Variants in SGK3 observed in about 807,000 individuals in gnomAD.
SGK3 encodes serum/glucocorticoid regulated kinase family member 3, also known as serine/threonine-protein kinase Sgk3.
SGK3 carries 47 observed loss-of-function variants against 68.5 expected under a neutral mutation model. The observed-to-expected ratio is 0.69, with a 90% CI of 0.54 to 0.87. SGK3 has a LOEUF of 0.87. SGK3 is among the 40% of genes least tolerant of loss of function. SGK3 has a pLI of 0.00. For missense variants in SGK3, 479 were observed against 575.5 expected (o/e 0.83, Z 1.72); for synonymous variants, 181 against 189.1 (o/e 0.96, Z 0.35).
At chr8:66,749,586 T>G (rs1805752393) in intron 1 of SGK3, among the ~76,000 whole-genome samples, 4 of 152,092 alleles carry the variant, frequency 2.6e-5, no homozygotes, top group African/African-American at 9.7e-5. Flanking sequence ...ATATGAAACG[T>G]GATTTGCTTT....
intron 14 of SGK3, among the ~76,000 whole-genome samples, chr8:66,843,927 G>C (rs1809899738): frequency 7.3e-6 from 1 of 136,570 alleles, no homozygotes; most frequent in Non-Finnish European, 1.5e-5. Context: ...CCAGGAGGCA[G>C]AGTTTGCAGT....
chr8:66,759,997 A>G (rs186796252), intron 1 of SGK3, among the ~76,000 whole-genome samples: 1 of 151,982 alleles, frequency 6.6e-6, no homozygotes, highest in Non-Finnish European at 1.5e-5. Context: ...ATCTACTACA[A>G]CCGCTTACAT....
At chr8:66,836,405 T>C (rs1421956156) in intron 10 of SGK3, among the ~76,000 whole-genome samples, 4 of 152,194 alleles carry the variant, frequency 2.6e-5, no homozygotes, top group African/African-American at 9.6e-5. Flanking sequence ...AACAGTTGCA[T>C]ACAAATATTA....
chr8:66,843,355 A>T, intron 13 of SGK3, 97 bp from the exon 14 acceptor site: 1 of 1,236,636 alleles, frequency 8.1e-7, no homozygotes, highest in Non-Finnish European at 1.1e-6. Context: ...TTTCAGTATG[A>T]TAGCAACAAC....
rs190053893 is a variant in SGK3, at chr8:66,789,155, C to G, written c.-121-4461C>G. ...AAAAAAAACACTACATTTAGAATCT[C>G]AGAATCTCATTTGTAATTGGTATCA... On this transcript the variant is annotated intron_variant, in intron 1 of 16. Coordinates refer to ENST00000521198, the MANE Select transcript of SGK3 (RefSeq NM_001033578.3). 3.3e-3 allele frequency among the ~76,000 whole-genome samples: 503 copies of G among 151,584 alleles called. 8 individuals are homozygous for G. Among genetic ancestry groups the G allele is most frequent in the East Asian group, 7.7e-4 (4 of 5,164 alleles).
intron 1 of SGK3, among the ~76,000 whole-genome samples, chr8:66,716,461 G>C (rs968973540): frequency 3.3e-5 from 5 of 150,102 alleles, no homozygotes; most frequent in Admixed American, 1.4e-4. Flanking sequence ...AATAGTAAAG[G>C]ACTTGAGAAA....
intron 6 of SGK3, among the ~76,000 whole-genome samples, chr8:66,827,061 A>G (rs1355582116): frequency 1.3e-5 from 2 of 152,032 alleles, no homozygotes; most frequent in African/African-American, 2.4e-5. Context: ...AATACTACAT[A>G]TGTCTATAAT....
intron 6 of SGK3, among the ~76,000 whole-genome samples, chr8:66,827,054 AC>A (rs937264109): frequency 2.6e-5 from 4 of 152,086 alleles, no homozygotes; most frequent in Non-Finnish European, 5.9e-5. Context: ...AAAAATAAAT[AC>A]TACATATGTC....
intron 1 of SGK3, among the ~76,000 whole-genome samples, chr8:66,773,476 T>A (rs1015130529): frequency 6.6e-6 from 1 of 152,224 alleles, no homozygotes; most frequent in Non-Finnish European, 1.5e-5. Context: ...GGACCCCATC[T>A]AAACTATGTT....
intron 10 of SGK3, among the ~76,000 whole-genome samples, 196 bp downstream of exon 10, chr8:66,836,270 T>G (rs1048138432): frequency 6.6e-6 from 1 of 152,046 alleles, no homozygotes; most frequent in Non-Finnish European, 1.5e-5. Flanking sequence ...GTTGAGAAGG[T>G]TCATAAAAGA....
At position 66,846,537 on chromosome 8, in the gene SGK3, C is replaced by A. The variant is rs147260818; in HGVS notation, c.1075-656C>A. ...CCATGTTGCCCAGGCTGGTCTTGAACTCCTGGCCTCAAGCAATCTGCCCAC... is the reference window on the plus strand; with the variant it reads ...CCATGTTGCCCAGGCTGGTCTTGAAATCCTGGCCTCAAGCAATCTGCCCAC... On this transcript the variant is annotated intron_variant, in intron 14 of 16. Coordinates refer to ENST00000521198, the MANE Select transcript of SGK3 (RefSeq NM_001033578.3). 2.6e-3 allele frequency among the ~76,000 whole-genome samples: 398 copies of A among 152,260 alleles called. 6 individuals carry two copies. Among genetic ancestry groups the A allele is most frequent in the African/African-American group, 9.0e-3 (375 of 41,570 alleles).
intron 14 of SGK3, among the ~76,000 whole-genome samples, chr8:66,846,370 A>C (rs1810013877): frequency 6.6e-6 from 1 of 152,162 alleles, no homozygotes; most frequent in Admixed American, 6.5e-5. Context: ...GCTGGAGTGC[A>C]GTGGCGCAAT....
intron 16 of SGK3, 124 bp from the exon 17 acceptor site, chr8:66,859,287 C>T (rs948276471): frequency 2.9e-5 from 35 of 1,186,880 alleles, no homozygotes; most frequent in African/African-American, 1.6e-4. Context: ...GAGCCAAGAT[C>T]GCGCCACTGG....
chr8:66,859,780 ATTC>A lies in SGK3; in HGVS notation c.*202_*204del. 1.9e-6 allele frequency: 1 copy of A among 532,618 alleles called. No homozygotes were observed. Among genetic ancestry groups the A allele is most frequent in the Non-Finnish European group, 2.9e-6 (1 of 341,092 alleles). 33.0% of individuals were successfully genotyped at this position (532,618 alleles called of 1,614,324 possible). On this transcript the variant is annotated 3_prime_UTR_variant, in exon 17 of 17. Transcript: ENST00000521198. Reference sequence around the variant, plus strand: ...AAGAGCTGTTTTGATTAAAATTTATATTCTTGTTTAATAAGCTTATTTTTAAAC... The same window carrying A: ...AAGAGCTGTTTTGATTAAAATTTATATTGTTTAATAAGCTTATTTTTAAAC...
intron 1 of SGK3, among the ~76,000 whole-genome samples, chr8:66,727,197 G>A (rs543580914): frequency 4.6e-5 from 7 of 152,138 alleles, no homozygotes; most frequent in East Asian, 3.9e-4. Flanking sequence ...GATCTCCTAG[G>A]CTCAAGTGAC....
intron 6 of SGK3, among the ~76,000 whole-genome samples, chr8:66,825,660 A>G (rs1305441689): frequency 6.6e-6 from 1 of 152,188 alleles, no homozygotes; most frequent in Middle Eastern, 3.2e-3. Flanking sequence ...GGAATATTTT[A>G]GAGGGCATCT....
At chr8:66,825,015 A>G (rs745406756) in intron 6 of SGK3, among the ~76,000 whole-genome samples, 7 of 152,276 alleles carry the variant, frequency 4.6e-5, no homozygotes, top group Admixed American at 2.6e-4. Context: ...TTTAAAATCT[A>G]TGTAACCATG....
At position 66,824,617 on chromosome 8, in the gene SGK3, C is replaced by T. The variant is rs145402435; in HGVS notation, c.417+2158C>T. Among the ~76,000 whole-genome samples, 369 of 152,162 alleles carry T rather than the reference C, an allele frequency of 2.4e-3. 2 individuals are homozygous for T. The highest frequency in any genetic ancestry group is 8.6e-3 in the African/African-American group (355 of 41,518). On this transcript the variant is annotated intron_variant, in intron 6 of 16. Coordinates refer to ENST00000521198, the MANE Select transcript of SGK3 (RefSeq NM_001033578.3). ...AAAATATTCACATCAGGAATTGATG[C>T]AAATGGAATAATCCACACAGAAAAA...
intron 16 of SGK3, among the ~76,000 whole-genome samples, chr8:66,851,793 A>G (rs867371738): frequency 2.6e-5 from 4 of 152,332 alleles, no homozygotes; most frequent in South Asian, 2.1e-4. Context: ...GAAATTGTTA[A>G]TAATCATCAG....
Sources: gnomAD v4.1 joint callset for allele counts (sites outside exome capture counted in the v4.1 genomes callset) on GRCh38, gnomAD v4.1.1 for gene constraint, MANE v1.5 for transcripts, NCBI Gene and HGNC (gene_info 2026-07-23, HGNC 2026-07-21) for gene names.